PDE4D: variants seen among roughly 807,000 people sequenced by gnomAD.
The protein encoded by PDE4D is 3',5'-cyclic-AMP phosphodiesterase 4D.
A neutral mutation model predicts 87.4 loss-of-function variants in PDE4D; 24 were observed. The observed-to-expected ratio is 0.27, with a 90% CI of 0.20 to 0.39. The LOEUF (loss-of-function observed/expected upper bound fraction) is 0.39. Ranked by LOEUF, PDE4D falls within the 10% of genes least tolerant of loss-of-function variation. PDE4D has a pLI of 1.00. For missense variants in PDE4D, 714 were observed against 1,041.0 expected, an observed-to-expected ratio of 0.69 and a Z score of 4.32; for synonymous variants, 384 against 383.2, an observed-to-expected ratio of 1.00 and a Z score of -0.02.
At chr5:59,284,539 A>G (rs1211931794) in intron 1 of PDE4D, among the ~76,000 whole-genome samples, 1 of 151,280 alleles carries the variant, frequency 6.6e-6, no homozygotes. Context: ...TTAGAATGGC[A>G]ATCATTAAAA....
intron 5 of PDE4D, among the ~76,000 whole-genome samples, chr5:59,145,445 T>C (rs938911135): frequency 6.6e-6 from 1 of 152,194 alleles, no homozygotes; most frequent in Non-Finnish European, 1.5e-5. Context: ...TCTTAAGAAA[T>C]TTACTGAACA....
intron 2 of PDE4D, among the ~76,000 whole-genome samples, chr5:60,076,740 G>C (rs935363972): frequency 1.3e-5 from 2 of 152,212 alleles, no homozygotes; most frequent in African/African-American, 4.8e-5. Context: ...ACACTCTGAT[G>C]GGTAGTGCCA....
At chr5:59,118,135 C>T (rs1773916172) in intron 5 of PDE4D, among the ~76,000 whole-genome samples, 1 of 152,216 alleles carries the variant, frequency 6.6e-6, no homozygotes, top group Admixed American at 6.5e-5. Flanking sequence ...TTTCTAGCCT[C>T]AGTTTCCAGG....
At chr5:59,551,839 C>T (rs755571392) in intron 1 of PDE4D, among the ~76,000 whole-genome samples, 72 of 151,968 alleles carry the variant, frequency 4.7e-4, no homozygotes, top group Non-Finnish European at 9.3e-4. Context: ...CACAACAATA[C>T]CAAAAAAACC....
At chr5:60,185,519 A>C (rs941619294) in intron 2 of PDE4D, 1 of 1,358,320 alleles carries the variant, frequency 7.4e-7, no homozygotes, top group African/African-American at 1.4e-5. Context: ...TTATATGTAC[A>C]TGTGTTTAGA....
chr5:60,200,773 T>C (rs1741808206), intron 1 of PDE4D, among the ~76,000 whole-genome samples: 1 of 152,178 alleles, frequency 6.6e-6, no homozygotes, highest in African/African-American at 2.4e-5. Flanking sequence ...ACAAGATCCA[T>C]ATTATTCATG....
At chr5:59,472,761 C>G (rs921053413) in intron 1 of PDE4D, among the ~76,000 whole-genome samples, 1 of 151,920 alleles carries the variant, frequency 6.6e-6, no homozygotes, top group East Asian at 1.9e-4. Flanking sequence ...GCTAGGCACA[C>G]CAAGCCTAAT....
chr5:59,004,269 T>G (rs1751128489), intron 6 of PDE4D, among the ~76,000 whole-genome samples: 1 of 152,218 alleles, frequency 6.6e-6, no homozygotes, highest in Non-Finnish European at 1.5e-5. Flanking sequence ...TATAACTGAT[T>G]AGCTGTGTGA....
At chr5:60,145,472 T>C (rs1174584688) in intron 2 of PDE4D, among the ~76,000 whole-genome samples, 1 of 152,234 alleles carries the variant, frequency 6.6e-6, no homozygotes, top group Non-Finnish European at 1.5e-5. Context: ...ATTGCTTTCA[T>C]TGCAACCCAT....
At chr5:59,995,209 G>A (rs1763408200) in intron 2 of PDE4D, among the ~76,000 whole-genome samples, 1 of 151,944 alleles carries the variant, frequency 6.6e-6, no homozygotes, top group Non-Finnish European at 1.5e-5. Context: ...TGCTTCTCCA[G>A]TCATTTTCAT....
intron 1 of PDE4D, among the ~76,000 whole-genome samples, chr5:59,224,033 C>T (rs1382416291): frequency 1.3e-5 from 2 of 150,314 alleles, no homozygotes; most frequent in Non-Finnish European, 2.9e-5. Context: ...CACTTGTAAT[C>T]CCAGAACTTT....
At chr5:60,147,950 C>T in intron 2 of PDE4D, 1 of 316,438 alleles carries the variant, frequency 3.2e-6, no homozygotes, top group Non-Finnish European at 6.4e-6. Context: ...AGTGGCACAT[C>T]ATAACTCCTC....
chr5:59,926,213 T>C (rs2152783215), intron 3 of PDE4D, among the ~76,000 whole-genome samples: 1 of 152,174 alleles, frequency 6.6e-6, no homozygotes, highest in East Asian at 1.9e-4. Context: ...AAGAGGAATT[T>C]TGGAAACTAA....
intron 5 of PDE4D, among the ~76,000 whole-genome samples, chr5:59,150,144 A>G (rs10070295): frequency 0.26 from 39,773 of 151,866 alleles, 5,701 homozygotes; most frequent in African/African-American, 0.37. Context: ...AGTGGTGGTG[A>G]AGGTGGAGGA....
In PDE4D at chr5:59,893,330, C is replaced by T; in HGVS notation, c.293G>A (p.Ser98Asn). The change falls in exon 1 of 15, where the codon AGC becomes AAC. Residue 98 changes from serine to asparagine, a missense_variant. By Grantham distance (46) the Ser-to-Asn change is conservative. Coordinates refer to ENST00000340635, the MANE Select transcript of PDE4D (RefSeq NM_001104631.2). Reference protein sequence around the residue: ...PGAARGRYASSGATGRVRHRG... With the variant: ...PGAARGRYASNGATGRVRHRG... ...ATGCCGGACGCGGCCGGTGGCCCCG[C>T]TCGAGGCGTAGCGGCCGCGGGCAGC... The T allele has an allele frequency of 6.6e-7, 1 of 1,505,612 alleles. No individual in the cohort carries two copies. The highest frequency in any genetic ancestry group is 8.9e-7 in the Non-Finnish European group (1 of 1,124,586). The allele number at this position is 1,505,612 out of a possible 1,614,324, so 93.3% of individuals were successfully genotyped here.
intron 1 of PDE4D, among the ~76,000 whole-genome samples, chr5:59,401,561 T>G (rs545471759): frequency 3.9e-5 from 6 of 152,084 alleles, no homozygotes; most frequent in African/African-American, 1.4e-4. Context: ...TGGCGTGCAA[T>G]TGAGAGATGA....
At chr5:59,385,202 T>G (rs906241242) in intron 1 of PDE4D, among the ~76,000 whole-genome samples, 1 of 152,182 alleles carries the variant, frequency 6.6e-6, no homozygotes, top group Non-Finnish European at 1.5e-5. Flanking sequence ...AAGCATTCTT[T>G]CTGTTATTTC....
At chr5:59,742,775 T>C (rs1759051825) in intron 1 of PDE4D, among the ~76,000 whole-genome samples, 1 of 152,202 alleles carries the variant, frequency 6.6e-6, no homozygotes, top group African/African-American at 2.4e-5. Flanking sequence ...CATTCTATAA[T>C]ATAGAAGTAT....
Position 59,178,578 on chromosome 5 carries a change from C to T in PDE4D, c.808+2017G>A, listed in dbSNP as rs541150787. Among the ~76,000 whole-genome samples, 61 of 152,170 alleles carry T rather than the reference C, an allele frequency of 4.0e-4. 1 individual carries two copies. The South Asian group carries it at 0.012, about 31-fold the overall frequency. ...TGTGTGCCCTTTGAGTGTAGCTACT[C>T]TCTCCTGTTAATCTGTGCCTGGCAT... On this transcript the variant is annotated intron_variant, in intron 5 of 14. Transcript: ENST00000340635.
Sources: allele counts gnomAD v4.1 joint callset (sites outside exome capture counted in the v4.1 genomes callset), GRCh38; gene constraint gnomAD v4.1.1; transcripts MANE v1.5; gene names NCBI Gene and HGNC (gene_info 2026-07-23, HGNC 2026-07-21).